The following COL14A1 variants were observed in gnomAD, a reference collection of about 807,000 sequenced individuals.
COL14A1 encodes collagen alpha-1(XIV) chain.
Under a neutral mutation model 230.3 loss-of-function variants are expected in COL14A1, and 136 were observed. The observed-to-expected ratio is 0.59, with a 90% CI of 0.51 to 0.68. The LOEUF (loss-of-function observed/expected upper bound fraction) is 0.68. COL14A1 is among the 30% of genes least tolerant of loss of function. COL14A1 has a pLI of 0.00. For synonymous variants in COL14A1, 792 were observed against 784.1 expected (o/e 1.01, Z -0.17); for missense variants, 1,976 against 2,215.8 (o/e 0.89, Z 2.17).
Position 120,212,544 on chromosome 8 carries a change from G to A in COL14A1, c.1564G>A (p.Ala522Thr). ...VTVYAMFGEE[A>T]SDPVTGQETT... ...AGTTTATGCCATGTTTGGAGAAGAGGCCAGTGATCCTGTTACGGGACAAGA... is the reference window on the plus strand; with the variant it reads ...AGTTTATGCCATGTTTGGAGAAGAGACCAGTGATCCTGTTACGGGACAAGA... Residue 522 changes from alanine to threonine, a missense_variant, in exon 13 of 48, where the codon GCC becomes ACC. Transcript: ENST00000297848. 1 of 1,613,616 alleles carries A rather than the reference G, an allele frequency of 6.2e-7. No homozygotes were observed. Among genetic ancestry groups the A allele is most frequent in the South Asian group, 1.1e-5 (1 of 91,070 alleles).
chr8:120,250,625 C>G lies in COL14A1; in HGVS notation c.2611C>G (p.Pro871Ala). Residue 871 changes from proline to alanine, a missense_variant, in exon 22 of 48, where the codon CCA becomes GCA. Transcript: ENST00000297848. ...TCCTCTTTCTTCTTTAGTTCCTGGT[C>G]CAACACTGGAAACGTTTGTGGGAGC... is the stretch of plus-strand genomic sequence containing the variant. ...IVYKPVSVPGPTLETFVGADI... is the reference protein window; with the variant it reads ...IVYKPVSVPGATLETFVGADI... 2.5e-6 allele frequency: 4 copies of G among 1,614,148 alleles called. No homozygotes were observed. The highest frequency in any genetic ancestry group is 1.3e-5 in the African/African-American group (1 of 75,042).
chr8:120,322,359 C>T (rs1390467338), intron 40 of COL14A1, among the ~76,000 whole-genome samples: 1 of 152,100 alleles, frequency 6.6e-6, no homozygotes, highest in Non-Finnish European at 1.5e-5. Flanking sequence ...GCACATCCTG[C>T]ACATGCACTC....
rs73321645 is a variant in COL14A1 at position 120,170,095 on chromosome 8, G to A, written c.436+1848G>A. Among the ~76,000 whole-genome samples, 11 of 152,060 alleles carry A rather than the reference G, an allele frequency of 7.2e-5. No homozygotes were observed. The East Asian group carries it at 1.4e-3, about 19-fold the overall frequency. Reference sequence around the variant, plus strand: ...GCTTATGTCTCCTTCTGTACAAGTCGTAGAATTTTTCTAGAGCATATACCT... The same window carrying A: ...GCTTATGTCTCCTTCTGTACAAGTCATAGAATTTTTCTAGAGCATATACCT... On this transcript the variant is annotated intron_variant, in intron 5 of 47. Coordinates refer to ENST00000297848, the MANE Select transcript of COL14A1 (RefSeq NM_021110.4).
intron 40 of COL14A1, among the ~76,000 whole-genome samples, chr8:120,320,758 G>A (rs908548148): frequency 5.3e-5 from 8 of 152,262 alleles, no homozygotes; most frequent in Non-Finnish European, 1.2e-4. Context: ...TCCCAAGAAA[G>A]CCTTTGCACA....
chr8:120,188,963 A>C (rs1170383488), intron 5 of COL14A1, among the ~76,000 whole-genome samples: 1 of 152,098 alleles, frequency 6.6e-6, no homozygotes, highest in Non-Finnish European at 1.5e-5. Flanking sequence ...ATTCTTTCTG[A>C]TTGATGTCTC....
At chr8:120,158,952 A>G (rs1004263984) in intron 3 of COL14A1, among the ~76,000 whole-genome samples, 1 of 152,206 alleles carries the variant, frequency 6.6e-6, no homozygotes, top group Admixed American at 6.5e-5. Flanking sequence ...GTTGTTATGA[A>G]GATGAAGATG....
chr8:120,289,744 G>T lies in COL14A1; in HGVS notation c.4214G>T (p.Gly1405Val). Residue 1405 changes from glycine to valine, a missense_variant, in exon 34 of 48, where the codon GGA (glycine) becomes GTA (valine). By Grantham distance (109) the Gly-to-Val change is moderately radical. Coordinates refer to ENST00000297848, the MANE Select transcript of COL14A1 (RefSeq NM_021110.4). ...EVLGKMVRSR[G>V]PGGNSAPFQL... ...CTAGGGAAAATGGTTCGATCAAGAG[G>T]ACCAGGTGGAAACTCTGCACCGGTA... is the stretch of plus-strand genomic sequence containing the variant. The T allele has an allele frequency of 6.2e-7, 1 of 1,613,678 alleles. No individual in the cohort carries two copies. Among genetic ancestry groups the T allele is most frequent in the African/African-American group, 1.3e-5 (1 of 75,032 alleles).
At chr8:120,237,755 T>C (rs1308525976) in intron 19 of COL14A1, among the ~76,000 whole-genome samples, 2 of 152,234 alleles carry the variant, frequency 1.3e-5, no homozygotes, top group African/African-American at 4.8e-5. Context: ...TGGATTTGTC[T>C]ACCTTTGGTC....
chr8:120,363,693 G>A (rs1169289263), intron 45 of COL14A1, among the ~76,000 whole-genome samples: 1 of 152,186 alleles, frequency 6.6e-6, no homozygotes, highest in Non-Finnish European at 1.5e-5. Context: ...ATGGACTGAT[G>A]CTAGAGAGAT....
At chr8:120,270,602 A>G (rs1442989970) in intron 26 of COL14A1, among the ~76,000 whole-genome samples, 1 of 151,770 alleles carries the variant, frequency 6.6e-6, no homozygotes, top group Non-Finnish European at 1.5e-5. Context: ...TATTATGGCC[A>G]TGTACTATAC....
At chr8:120,213,953 A>T (rs1273791136) in intron 13 of COL14A1, 1 of 423,700 alleles carries the variant, frequency 2.4e-6, no homozygotes, top group Non-Finnish European at 4.7e-6. Context: ...TTATTAAGAG[A>T]TTCACTAACT....
intron 4 of COL14A1, among the ~76,000 whole-genome samples, chr8:120,167,146 T>C (rs981944296): frequency 2.0e-5 from 3 of 151,982 alleles, no homozygotes; most frequent in East Asian, 1.9e-4. Context: ...AATAATAGAA[T>C]TGGAGTGACA....
intron 23 of COL14A1, among the ~76,000 whole-genome samples, chr8:120,262,416 G>C (rs948559917): frequency 6.6e-6 from 1 of 151,992 alleles, no homozygotes; most frequent in African/African-American, 2.4e-5. Flanking sequence ...AGGTTGCAAT[G>C]AGCTGAGATC....
At chr8:120,145,493 C>T (rs933350432) in intron 1 of COL14A1, among the ~76,000 whole-genome samples, 2 of 152,270 alleles carry the variant, frequency 1.3e-5, no homozygotes, top group African/African-American at 4.8e-5. Flanking sequence ...GTGGCACGTG[C>T]CTGTAATCCC....
chr8:120,295,839 C>T (rs1820510896), intron 34 of COL14A1, among the ~76,000 whole-genome samples: 1 of 151,780 alleles, frequency 6.6e-6, no homozygotes, highest in African/African-American at 2.4e-5. Context: ...GATGCCAAGA[C>T]ATTAAATAAT....
intron 36 of COL14A1, among the ~76,000 whole-genome samples, chr8:120,309,593 A>G (rs890283417): frequency 1.3e-5 from 2 of 152,154 alleles, no homozygotes; most frequent in African/African-American, 4.8e-5. Context: ...AATAAAGAAA[A>G]TCAGGTTGTT....
intron 44 of COL14A1, 31 bp downstream of exon 44, chr8:120,342,477 C>A: frequency 6.2e-7 from 1 of 1,600,784 alleles, no homozygotes; most frequent in Non-Finnish European, 8.6e-7. Context: ...GAGGATGTTC[C>A]CCATAACAAA....
At chr8:120,207,586 TA>T (rs1479035416) in intron 10 of COL14A1, among the ~76,000 whole-genome samples, 3 of 152,176 alleles carry the variant, frequency 2.0e-5, no homozygotes, top group African/African-American at 7.2e-5. Context: ...ATGGCTGGCA[TA>T]TTTTTATGGC....
At chr8:120,232,996 T>C (rs1029729416) in intron 19 of COL14A1, among the ~76,000 whole-genome samples, 5 of 126,578 alleles carry the variant, frequency 4.0e-5, no homozygotes, top group African/African-American at 1.6e-4. Flanking sequence ...TGGTTTTGAT[T>C]TGAGTTTTTC....
Sources: allele counts gnomAD v4.1 joint callset (sites outside exome capture counted in the v4.1 genomes callset), GRCh38; gene constraint gnomAD v4.1.1; transcripts MANE v1.5; gene names NCBI Gene and HGNC (gene_info 2026-07-23, HGNC 2026-07-21).